Variants in UPF2 observed in about 807,000 individuals in gnomAD.
UPF2 encodes the protein UPF2 regulator of nonsense mediated mRNA decay, also known as regulator of nonsense transcripts 2.
UPF2 carries 17 observed loss-of-function variants against 141.4 expected under a neutral mutation model. The ratio of observed to expected loss-of-function variants is 0.12; its 90% CI spans 0.08 to 0.18. The LOEUF is 0.18. Ranked by LOEUF, UPF2 falls within the 10% of genes least tolerant of loss-of-function variation. The pLI, the probability that UPF2 is intolerant of heterozygous loss-of-function variation, is 1.00. For synonymous variants in UPF2, 540 were observed against 498.0 expected, an observed-to-expected ratio of 1.08 and a Z score of -1.12; for missense variants, 1,152 against 1,515.9, an observed-to-expected ratio of 0.76 and a Z score of 3.99.
chr10:11,943,218 A>T, intron 16 of UPF2, 50 bp from the exon 17 acceptor site: 1 of 1,358,454 alleles, frequency 7.4e-7, no homozygotes, highest in African/African-American at 1.4e-5. Context: ...AAGTGTAACC[A>T]TATTTTACAT....
At chr10:11,938,867 T>TGTTTTTTTTTTTTTG (rs1564337862) in intron 18 of UPF2, among the ~76,000 whole-genome samples, 5 of 103,358 alleles carry the variant, frequency 4.8e-5, no homozygotes, top group African/African-American at 1.7e-4. Context: ...TTTTTTTTTT[T>TGTTTTTTTTTTTTTG]TTTTTTTTTT....
intron 12 of UPF2, among the ~76,000 whole-genome samples, chr10:11,958,548 A>C (rs555025435): frequency 1.3e-5 from 2 of 152,270 alleles, no homozygotes; most frequent in African/African-American, 4.8e-5. Flanking sequence ...ATTCCTTATC[A>C]CCTTCCATCC....
chr10:11,948,744 T>A (rs1392765133), intron 15 of UPF2, among the ~76,000 whole-genome samples: 4 of 152,188 alleles, frequency 2.6e-5, no homozygotes, highest in Admixed American at 2.6e-4. Context: ...AGTGTATGTG[T>A]GTGTATACTT....
intron 3 of UPF2, among the ~76,000 whole-genome samples, chr10:12,018,701 G>C (rs1054481197): frequency 1.2e-4 from 19 of 152,106 alleles, no homozygotes; most frequent in African/African-American, 4.6e-4. Context: ...GCAGTAAGCC[G>C]TGACCGTGCC....
intron 21 of UPF2, among the ~76,000 whole-genome samples, chr10:11,925,461 G>T (rs900994121): frequency 6.6e-6 from 1 of 152,238 alleles, no homozygotes; most frequent in Non-Finnish European, 1.5e-5. Context: ...ACTGTGAAAA[G>T]TTCTTTTGTC....
Position 11,922,000 on chromosome 10 carries a change from A to G in UPF2, c.3810-693T>C, listed in dbSNP as rs976683648. 1.3e-5 allele frequency among the ~76,000 whole-genome samples: 2 copies of G among 152,196 alleles called. No individual in the cohort carries two copies. Among genetic ancestry groups the G allele is most frequent in the African/African-American group, 4.8e-5 (2 of 41,444 alleles). On this transcript the variant is annotated intron_variant, in intron 21 of 21. Coordinates refer to ENST00000357604, the MANE Select transcript of UPF2 (RefSeq NM_015542.4). The surrounding 1 kb of genome is among the most constrained non-coding windows in gnomAD (Gnocchi z 5.9). ...GAGCAGGGTGGAGCCCTAATCCCAT[A>G]TGACTGCATCTCTATAAAAAGGGAA...
At chr10:11,952,038 C>A (rs751116806) in intron 15 of UPF2, 28 bp downstream of exon 15, 3 of 1,605,548 alleles carry the variant, frequency 1.9e-6, no homozygotes, top group Non-Finnish European at 2.6e-6. Flanking sequence ...ATATCACCTT[C>A]ATTTTCTGTC....
intron 6 of UPF2, 45 bp downstream of exon 6, chr10:12,001,631 T>A (rs1833954304): frequency 6.5e-7 from 1 of 1,542,584 alleles, no homozygotes; most frequent in African/African-American, 1.4e-5. Context: ...GAGCTCTGTG[T>A]GTAAAAACCA....
intron 6 of UPF2, 107 bp downstream of exon 6, chr10:12,001,569 A>T: frequency 8.9e-7 from 1 of 1,129,272 alleles, no homozygotes; most frequent in Non-Finnish European, 1.2e-6. Flanking sequence ...ACAGAAAAAC[A>T]AGGAATTAAA....
chr10:11,943,920 GCA>G (rs1832967867), intron 16 of UPF2, among the ~76,000 whole-genome samples: 1 of 149,776 alleles, frequency 6.7e-6, no homozygotes, highest in African/African-American at 2.5e-5. Flanking sequence ...AGGGCACAAA[GCA>G]CAGAGTGGAG....
chr10:11,997,451 T>C (rs1410138823), intron 8 of UPF2, among the ~76,000 whole-genome samples: 1 of 152,190 alleles, frequency 6.6e-6, no homozygotes, highest in Non-Finnish European at 1.5e-5. Context: ...AAACATTTTA[T>C]TTTAAAATAA....
intron 3 of UPF2, among the ~76,000 whole-genome samples, chr10:12,017,785 C>T (rs2131291085): frequency 6.6e-6 from 1 of 152,212 alleles, no homozygotes; most frequent in East Asian, 1.9e-4. Flanking sequence ...GATACATGTG[C>T]AAAACGTGCA....
intron 3 of UPF2, among the ~76,000 whole-genome samples, chr10:12,026,004 G>A (rs1255564009): frequency 6.6e-6 from 1 of 152,076 alleles, no homozygotes; most frequent in Non-Finnish European, 1.5e-5. Flanking sequence ...ATGTTGCCCA[G>A]GCTAGTCTCA....
chr10:12,006,449 C>T (rs921710000), intron 4 of UPF2, among the ~76,000 whole-genome samples: 1 of 151,958 alleles, frequency 6.6e-6, no homozygotes, highest in Non-Finnish European at 1.5e-5. Context: ...TAAAATTAAC[C>T]GTAAGTTAGA....
At chr10:11,954,160 C>T (rs1048795877) in intron 14 of UPF2, among the ~76,000 whole-genome samples, 1 of 152,012 alleles carries the variant, frequency 6.6e-6, no homozygotes, top group Non-Finnish European at 1.5e-5. Flanking sequence ...GTAGTACTGT[C>T]CCTGTATTTG....
intron 9 of UPF2, among the ~76,000 whole-genome samples, chr10:11,974,354 T>G (rs529673193): frequency 6.6e-6 from 1 of 152,272 alleles, no homozygotes; most frequent in East Asian, 1.9e-4. Flanking sequence ...CTTTTTCTAA[T>G]TGAATACCCT....
At chr10:12,026,628 A>G (rs1261899552) in intron 3 of UPF2, 1 of 448,108 alleles carries the variant, frequency 2.2e-6, no homozygotes, top group Admixed American at 2.4e-5. Flanking sequence ...TACCATGACC[A>G]CTGAAAATTC....
Position 12,035,259 on chromosome 10 carries a change from G to T in UPF2, c.165C>A (p.Asp55Glu). 6.2e-7 allele frequency: 1 copy of T among 1,612,158 alleles called. No individual in the cohort carries two copies. Among genetic ancestry groups the T allele is most frequent in the Non-Finnish European group, 8.5e-7 (1 of 1,179,668 alleles). ...AKKEVSKAPE[D>E]KKKRLEDDKR... is the part of the protein sequence containing the mutation. ...TATCATCTTCCAGTCTCTTCTTCTT[G>T]TCTTCAGGGGCCTTGCTGACCTCCT... Residue 55 changes from aspartate to glutamate, a missense_variant, in exon 2 of 22, where the codon GAC (aspartate) becomes GAA (glutamate). Coordinates refer to ENST00000357604, the MANE Select transcript of UPF2 (RefSeq NM_015542.4).
intron 8 of UPF2, among the ~76,000 whole-genome samples, chr10:11,981,324 G>A (rs1654501288): frequency 6.6e-6 from 1 of 152,152 alleles, no homozygotes; most frequent in Non-Finnish European, 1.5e-5. Context: ...GCTGGGCCCT[G>A]TCCTAGGCCT....
Sources: gnomAD v4.1 joint callset for allele counts (sites outside exome capture counted in the v4.1 genomes callset) on GRCh38, gnomAD v4.1.1 for gene constraint, Gnocchi (gnomAD v3.1) non-coding constraint, MANE v1.5 for transcripts, NCBI Gene and HGNC (gene_info 2026-07-23, HGNC 2026-07-21) for gene names.